TERB1: variants seen among roughly 807,000 people sequenced by gnomAD.
The protein encoded by TERB1 is telomere repeat binding bouquet formation protein 1, also known as telomere repeats-binding bouquet formation protein 1.
In TERB1, 63 loss-of-function variants were observed where a neutral mutation model predicts 92.3. The observed-to-expected ratio is 0.68, with a 90% confidence interval of 0.56 to 0.84. The LOEUF (loss-of-function observed/expected upper bound fraction) is 0.84. Among genes scored for constraint, TERB1 ranks in the 40% least tolerant of loss-of-function variants. The pLI, the probability that TERB1 is intolerant of heterozygous loss-of-function variation, is 0.00. For missense variants in TERB1, 709 were observed against 843.7 expected, an observed-to-expected ratio of 0.84 and a Z score of 1.98; for synonymous variants, 252 against 283.9, an observed-to-expected ratio of 0.89 and a Z score of 1.13.
At chr16:66,800,397 T>TTG (rs1959241036) in intron 2 of TERB1, among the ~76,000 whole-genome samples, 3 of 146,230 alleles carry the variant, frequency 2.1e-5, no homozygotes, top group African/African-American at 7.4e-5. Context: ...AGAAAGTTTT[T>TTG]TTTTTTTTTT....
intron 3 of TERB1, among the ~76,000 whole-genome samples, chr16:66,792,166 CT>C (rs1323296493): frequency 6.6e-6 from 1 of 152,088 alleles, no homozygotes; most frequent in Admixed American, 6.5e-5. Context: ...ACAGGAAAAC[CT>C]TTTGGTCATC....
chr16:66,776,346 AAAG>A (rs908291832), intron 11 of TERB1, among the ~76,000 whole-genome samples: 1 of 149,958 alleles, frequency 6.7e-6, no homozygotes, highest in African/African-American at 2.5e-5. Context: ...AAAAAAAAAG[AAAG>A]AAAAAGAAAA....
At chr16:66,777,896 G>A (rs2145165104) in intron 10 of TERB1, among the ~76,000 whole-genome samples, 1 of 152,268 alleles carries the variant, frequency 6.6e-6, no homozygotes, top group South Asian at 2.1e-4. Context: ...TTTTAACAGA[G>A]TTCACCCAGA....
At chr16:66,787,330 T>C (rs930211630) in intron 6 of TERB1, among the ~76,000 whole-genome samples, 2 of 151,702 alleles carry the variant, frequency 1.3e-5, no homozygotes, top group Admixed American at 6.6e-5. Context: ...GGTCTCAGTA[T>C]GTTACCTAGG....
At chr16:66,762,275 C>T (rs975502284) in intron 16 of TERB1, among the ~76,000 whole-genome samples, 2 of 152,232 alleles carry the variant, frequency 1.3e-5, no homozygotes, top group African/African-American at 4.8e-5. Flanking sequence ...ACCTACTCAG[C>T]TCTGTCCCCA....
chr16:66,771,127 C>T (rs1223401848), intron 13 of TERB1, among the ~76,000 whole-genome samples: 2 of 151,922 alleles, frequency 1.3e-5, no homozygotes, highest in Non-Finnish European at 1.5e-5. Flanking sequence ...GAAAAAAGAT[C>T]AACGATAGCA....
At chr16:66,785,521 C>T (rs985491419) in intron 9 of TERB1, among the ~76,000 whole-genome samples, 1 of 152,110 alleles carries the variant, frequency 6.6e-6, no homozygotes, top group Non-Finnish European at 1.5e-5. Flanking sequence ...AGAACACACT[C>T]TATGGGTTTT....
At chr16:66,762,902 C>T (rs1387981681) in intron 16 of TERB1, among the ~76,000 whole-genome samples, 1 of 151,816 alleles carries the variant, frequency 6.6e-6, no homozygotes, top group Non-Finnish European at 1.5e-5. Flanking sequence ...AAGCTGTTCT[C>T]GAATTCCTGG....
At position 66,765,348 on chromosome 16, in the gene TERB1, A is replaced by G. The variant is rs543505732; in HGVS notation, c.1780+2067T>C. ...ATTCTGTCAGATCCAAGACAACTTA[A>G]TAAGTATTTATGTTCTAACAACTTA... is the stretch of plus-strand genomic sequence containing the variant. On this transcript the variant is annotated intron_variant, in intron 16 of 18. Transcript: ENST00000433154. Among the ~76,000 whole-genome samples, 19 of 152,386 alleles carry G rather than the reference A, an allele frequency of 1.2e-4. No homozygotes were observed. The South Asian group carries it at 3.5e-3, about 28-fold the overall frequency.
At position 66,756,986 on chromosome 16, in the gene TERB1, A is replaced by T. The variant is rs534152641; in HGVS notation, c.1996+1787T>A. On this transcript the variant is annotated intron_variant, in intron 18 of 18. Transcript: ENST00000433154. Reference sequence around the variant, plus strand: ...AAATAGAGACTTGGGGAAATCTGTAAATGCTTAGGACAGTGGTTCCTTCTC... The same window carrying T: ...AAATAGAGACTTGGGGAAATCTGTATATGCTTAGGACAGTGGTTCCTTCTC... 6.0e-4 allele frequency among the ~76,000 whole-genome samples: 92 copies of T among 152,320 alleles called. No individual in the cohort carries two copies. In the South Asian group the frequency reaches 0.017, roughly 27 times the overall value.
chr16:66,780,832 A>AT (rs1210288788), intron 9 of TERB1, among the ~76,000 whole-genome samples: 3 of 151,962 alleles, frequency 2.0e-5, no homozygotes, highest in Non-Finnish European at 4.4e-5. Context: ...ATAGATTCCA[A>AT]TTTTTTTTGA....
At chr16:66,763,462 T>C (rs2145081325) in intron 16 of TERB1, among the ~76,000 whole-genome samples, 1 of 152,336 alleles carries the variant, frequency 6.6e-6, no homozygotes, top group Admixed American at 6.5e-5. Context: ...TAAATCTAAA[T>C]GATTGGTCAG....
chr16:66,755,812 G>A (rs890060676), intron 18 of TERB1, among the ~76,000 whole-genome samples: 1 of 151,980 alleles, frequency 6.6e-6, no homozygotes, highest in Admixed American at 6.6e-5. Context: ...AACAGCTTAC[G>A]TATCTTAGAG....
intron 13 of TERB1, among the ~76,000 whole-genome samples, chr16:66,771,788 C>CA (rs1363898824): frequency 2.0e-5 from 3 of 152,016 alleles, no homozygotes; most frequent in Admixed American, 6.6e-5. Flanking sequence ...GGCACATCTG[C>CA]AATAGTGAAT....
At chr16:66,767,291 A>G (rs879931149) in intron 16 of TERB1, 124 bp downstream of exon 16, 10 of 580,020 alleles carry the variant, frequency 1.7e-5, no homozygotes, top group Non-Finnish European at 2.7e-5. Flanking sequence ...GTGAGCCAAG[A>G]TCGCGCCACT....
intron 12 of TERB1, among the ~76,000 whole-genome samples, chr16:66,774,679 TTTTC>T (rs1476457234): frequency 9.4e-6 from 1 of 106,068 alleles, no homozygotes; most frequent in African/African-American, 4.5e-5. Context: ...TATACTCTGA[TTTTC>T]TTTTTTTTTT....
intron 2 of TERB1, among the ~76,000 whole-genome samples, chr16:66,799,749 T>C (rs1304268383): frequency 1.3e-5 from 2 of 152,210 alleles, no homozygotes; most frequent in African/African-American, 4.8e-5. Flanking sequence ...TTTCAAGGGA[T>C]TGATAATCAG....
Position 66,785,776 on chromosome 16 carries a change from G to T in TERB1, c.700+10C>A. 1 of 1,509,974 alleles carries T rather than the reference G, an allele frequency of 6.6e-7. No homozygotes were observed. Among genetic ancestry groups the T allele is most frequent in the Non-Finnish European group, 8.9e-7 (1 of 1,126,146 alleles). The allele number at this position is 1,509,974 out of a possible 1,614,324, so 93.5% of individuals were successfully genotyped here. ...CTTCAACTATGACCTAGAAAATAAC[G>T]AACACTTACTGTTATTTGCAAGAGT... is the stretch of plus-strand genomic sequence containing the variant. On this transcript the variant is annotated intron_variant, in intron 9 of 18. Transcript: ENST00000433154.
At chr16:66,770,593 T>A (rs987105369) in intron 13 of TERB1, among the ~76,000 whole-genome samples, 1 of 152,110 alleles carries the variant, frequency 6.6e-6, no homozygotes, top group African/African-American at 2.4e-5. Flanking sequence ...CAAAGTCATA[T>A]ATGTTCTAAA....
Sources: allele counts gnomAD v4.1 joint callset (sites outside exome capture counted in the v4.1 genomes callset), GRCh38; gene constraint gnomAD v4.1.1; transcripts MANE v1.5; gene names NCBI Gene and HGNC (gene_info 2026-07-23, HGNC 2026-07-21).